Variants in LAMP3 observed in about 807,000 individuals in gnomAD.
LAMP3 encodes the protein lysosome-associated membrane glycoprotein 3.
In LAMP3, 26 loss-of-function variants were observed where a neutral mutation model predicts 34.8. The observed-to-expected ratio is 0.75, with a 90% CI of 0.55 to 1.04. The LOEUF is 1.04. LAMP3 is among the 50% of genes least tolerant of loss of function. LAMP3 has a pLI of 0.00. For missense variants in LAMP3, 495 were observed against 524.0 expected (o/e 0.94, Z 0.54); for synonymous variants, 180 against 201.9 (o/e 0.89, Z 0.92).
chr3:183,162,527 G>A, intron 1 of LAMP3, 80 bp downstream of exon 1: 2 of 1,404,026 alleles, frequency 1.4e-6, no homozygotes, highest in Non-Finnish European at 2.0e-6. Flanking sequence ...GTCCTGTGGC[G>A]CCCGGGACTC....
rs16833705 is a variant in LAMP3 at position 183,130,554 on chromosome 3, G to C, written c.1117+5163C>G. 5.8e-3 allele frequency among the ~76,000 whole-genome samples: 876 copies of C among 152,296 alleles called. 5 individuals are homozygous for C. The highest frequency in any genetic ancestry group is 0.021 in the African/African-American group (852 of 41,560). On this transcript the variant is annotated intron_variant, in intron 5 of 5. Transcript: ENST00000265598. Reference sequence around the variant, plus strand: ...GTTTGTTTTCATCTTGCTCATGCTTGAGCGTGGCAGTCGAGATACTCCATT... The same window carrying C: ...GTTTGTTTTCATCTTGCTCATGCTTCAGCGTGGCAGTCGAGATACTCCATT...
intron 1 of LAMP3, among the ~76,000 whole-genome samples, chr3:183,158,990 C>T (rs1338040349): frequency 6.6e-6 from 1 of 152,024 alleles, no homozygotes; most frequent in Admixed American, 6.5e-5. Flanking sequence ...CCTCAGCTTC[C>T]TGGGTTCAAG....
chr3:183,162,897 C>A (rs1376164166), upstream of LAMP3: 7 of 497,640 alleles, frequency 1.4e-5, no homozygotes, highest in Non-Finnish European at 2.4e-5. Flanking sequence ...GGACCGTTTA[C>A]CGCACGCGCG....
intron 5 of LAMP3, among the ~76,000 whole-genome samples, chr3:183,129,162 G>A (rs1310191134): frequency 1.3e-5 from 2 of 152,048 alleles, no homozygotes; most frequent in Non-Finnish European, 2.9e-5. Context: ...AGAAATTGGA[G>A]GTCAACTTTA....
At chr3:183,158,803 T>TG (rs1487378269) in intron 1 of LAMP3, among the ~76,000 whole-genome samples, 1 of 151,976 alleles carries the variant, frequency 6.6e-6, no homozygotes, top group African/African-American at 2.4e-5. Flanking sequence ...TACCAGGCAC[T>TG]GGGGGTAGGT....
intron 3 of LAMP3, among the ~76,000 whole-genome samples, chr3:183,142,776 G>A (rs1170735458): frequency 6.6e-6 from 1 of 152,112 alleles, no homozygotes; most frequent in Non-Finnish European, 1.5e-5. Flanking sequence ...ATGAATTTTT[G>A]GGGCTTAGTA....
chr3:183,158,878 G>GCT (rs1553876729), intron 1 of LAMP3, among the ~76,000 whole-genome samples: 1 of 148,608 alleles, frequency 6.7e-6, no homozygotes, highest in Non-Finnish European at 1.5e-5. Context: ...TGTGACAAGT[G>GCT]TTTTTTTTTG....
intron 5 of LAMP3, among the ~76,000 whole-genome samples, chr3:183,131,435 G>T (rs1213594702): frequency 6.6e-6 from 1 of 152,188 alleles, no homozygotes; most frequent in Non-Finnish European, 1.5e-5. Flanking sequence ...GGTGGAAGGA[G>T]ATCACAGCTC....
intron 5 of LAMP3, among the ~76,000 whole-genome samples, chr3:183,134,065 C>G (rs959224334): frequency 6.6e-6 from 1 of 152,190 alleles, no homozygotes; most frequent in Non-Finnish European, 1.5e-5. Flanking sequence ...TTCTCTTACT[C>G]TCTAGTAGAA....
At chr3:183,153,471 C>T (rs541988138) in intron 2 of LAMP3, among the ~76,000 whole-genome samples, 1 of 152,280 alleles carries the variant, frequency 6.6e-6, no homozygotes, top group East Asian at 1.9e-4. Context: ...TTTTGTTTGC[C>T]TTCCTCTCTC....
intron 5 of LAMP3, chr3:183,132,207 C>G: frequency 1.0e-6 from 1 of 985,128 alleles, no homozygotes; most frequent in Non-Finnish European, 1.2e-6. Context: ...TTGATATGTG[C>G]TTTAAATTAA....
chr3:183,142,305 T>C (rs1364474519), intron 3 of LAMP3, among the ~76,000 whole-genome samples: 1 of 152,084 alleles, frequency 6.6e-6, no homozygotes, highest in Non-Finnish European at 1.5e-5. Context: ...TTTGTTTTTG[T>C]AAATGGCTCG....
At chr3:183,149,983 G>C (rs368534981) in intron 3 of LAMP3, among the ~76,000 whole-genome samples, 1 of 152,116 alleles carries the variant, frequency 6.6e-6, no homozygotes, top group Non-Finnish European at 1.5e-5. Context: ...CCTACCTCCC[G>C]GCGAAGGTCA....
At chr3:183,132,057 G>T in intron 5 of LAMP3, 2 of 985,134 alleles carry the variant, frequency 2.0e-6, no homozygotes, top group Non-Finnish European at 1.2e-6. Flanking sequence ...GGTCCAAATG[G>T]ACACATTTAC....
intron 3 of LAMP3, among the ~76,000 whole-genome samples, chr3:183,147,366 C>T (rs1397409092): frequency 1.3e-5 from 2 of 152,160 alleles, no homozygotes; most frequent in African/African-American, 4.8e-5. Flanking sequence ...AGACACCAGC[C>T]CTGCCATTTG....
At chr3:183,145,086 T>C (rs1295409995) in intron 3 of LAMP3, among the ~76,000 whole-genome samples, 2 of 152,146 alleles carry the variant, frequency 1.3e-5, no homozygotes, top group Non-Finnish European at 2.9e-5. Flanking sequence ...GGGATAGTCC[T>C]GTGCACAGAA....
chr3:183,142,384 C>T (rs1456496030), intron 3 of LAMP3, among the ~76,000 whole-genome samples: 1 of 152,020 alleles, frequency 6.6e-6, no homozygotes, highest in Admixed American at 6.6e-5. Flanking sequence ...TCCTCAGAGG[C>T]CTCTTGGAAT....
At chr3:183,140,950 GT>G (rs896818138) in intron 3 of LAMP3, among the ~76,000 whole-genome samples, 12 of 152,146 alleles carry the variant, frequency 7.9e-5, no homozygotes, top group African/African-American at 2.9e-4. Context: ...CATATATTAA[GT>G]GTTTACTAGC....
At chr3:183,151,852 A>G (rs1398365666) in intron 3 of LAMP3, among the ~76,000 whole-genome samples, 1 of 152,166 alleles carries the variant, frequency 6.6e-6, no homozygotes, top group African/African-American at 2.4e-5. Flanking sequence ...CCAAATCCGC[A>G]GTGAGACTCT....
Sources: gnomAD v4.1 joint callset for allele counts (sites outside exome capture counted in the v4.1 genomes callset) on GRCh38, gnomAD v4.1.1 for gene constraint, MANE v1.5 for transcripts, NCBI Gene and HGNC (gene_info 2026-07-23, HGNC 2026-07-21) for gene names.